The following SCFD2 variants were observed in gnomAD, a reference collection of about 807,000 sequenced individuals.
The protein encoded by SCFD2 is sec1 family domain-containing protein 2.
In SCFD2, 54 loss-of-function variants were observed where a neutral mutation model predicts 58.9. The ratio of observed to expected loss-of-function variants is 0.92; its 90% confidence interval spans 0.74 to 1.15. The LOEUF is 1.15. Ranked by LOEUF, SCFD2 falls within the 50% of genes most tolerant of loss-of-function variation. SCFD2 has a pLI of 0.00. For synonymous variants in SCFD2, 321 were observed against 335.9 expected, an observed-to-expected ratio of 0.96 and a Z score of 0.49; for missense variants, 805 against 836.6, an observed-to-expected ratio of 0.96 and a Z score of 0.47.
chr4:52,985,109 G>A (rs1294766758), intron 5 of SCFD2, among the ~76,000 whole-genome samples: 1 of 152,180 alleles, frequency 6.6e-6, no homozygotes. Context: ...GACAATTTAA[G>A]TTTTAAAATT....
At chr4:53,025,730 T>C (rs182155234) in intron 5 of SCFD2, among the ~76,000 whole-genome samples, 1 of 152,330 alleles carries the variant, frequency 6.6e-6, no homozygotes, top group Admixed American at 6.5e-5. Context: ...TGTGAGCTCC[T>C]GGAGGACGAG....
intron 5 of SCFD2, among the ~76,000 whole-genome samples, chr4:53,097,927 G>C (rs578114777): frequency 6.6e-6 from 1 of 152,120 alleles, no homozygotes; most frequent in Non-Finnish European, 1.5e-5. Context: ...TAGCATGAAG[G>C]GCTGTTGAAT....
intron 5 of SCFD2, among the ~76,000 whole-genome samples, chr4:53,096,386 C>T (rs1724635455): frequency 6.6e-6 from 1 of 152,146 alleles, no homozygotes. Context: ...CCTGTTGTTT[C>T]CTGACTTTTT....
At position 53,145,461 on chromosome 4, in the gene SCFD2, A is replaced by G. The variant is rs777884569; in HGVS notation, c.1433T>C (p.Ile478Thr). The G allele has an allele frequency of 6.2e-7, 1 of 1,614,128 alleles. No homozygotes were observed. Among genetic ancestry groups the G allele is most frequent in the Admixed American group, 1.7e-5 (1 of 60,008 alleles). The part of the protein sequence containing the change: ...PEELLILLIY[I>T]YSVTGELTVD... ...CGTGAGCTCTCCAGTGACAGAATAA[A>G]TATATATGAGAAGGATCAGCAGTTC... Residue 478 changes from isoleucine (I) to threonine (T), a missense_variant, in exon 5 of 9, where the codon ATT becomes ACT. This residue lies in a region of SCFD2 where 633 missense variants were observed against 646.8 expected (regional missense o/e 0.98). Transcript: ENST00000401642.
intron 5 of SCFD2, among the ~76,000 whole-genome samples, chr4:53,008,801 T>C (rs1176127388): frequency 6.6e-6 from 1 of 152,226 alleles, no homozygotes; most frequent in African/African-American, 2.4e-5. Context: ...TGAAACTTAA[T>C]AGAATGTGAC....
intron 3 of SCFD2, among the ~76,000 whole-genome samples, chr4:53,311,663 G>A (rs1560441740): frequency 1.3e-5 from 2 of 149,580 alleles, no homozygotes; most frequent in South Asian, 4.2e-4. Context: ...TTTAAACGGT[G>A]TCTCACTCTG....
chr4:53,121,464 C>T (rs1185269527), intron 5 of SCFD2, among the ~76,000 whole-genome samples: 1 of 152,156 alleles, frequency 6.6e-6, no homozygotes, highest in African/African-American at 2.4e-5. Flanking sequence ...ACTGAGTAGG[C>T]CAAACAAAAC....
chr4:53,198,899 G>T (rs573932556), intron 4 of SCFD2, among the ~76,000 whole-genome samples: 1 of 152,082 alleles, frequency 6.6e-6, no homozygotes, highest in South Asian at 2.1e-4. Flanking sequence ...TTGCCAAATG[G>T]GACATAATTC....
At chr4:53,267,565 C>T (rs1362964059) in intron 4 of SCFD2, among the ~76,000 whole-genome samples, 1 of 152,050 alleles carries the variant, frequency 6.6e-6, no homozygotes, top group African/African-American at 2.4e-5. Context: ...CTTCTTTTCC[C>T]CAATCTTATT....
intron 5 of SCFD2, among the ~76,000 whole-genome samples, chr4:52,936,811 G>A (rs934685739): frequency 4.6e-5 from 7 of 152,098 alleles, no homozygotes; most frequent in South Asian, 2.1e-4. Context: ...TATCACCTTC[G>A]CTTCTGCAAC....
At position 52,885,860 on chromosome 4, in the gene SCFD2, G is replaced by A. The variant is rs199859310; in HGVS notation, c.1849C>T (p.Arg617Trp). 8.1e-6 allele frequency: 13 copies of A among 1,614,000 alleles called. No individual in the cohort carries two copies. The highest frequency in any genetic ancestry group is 2.2e-5 in the East Asian group (1 of 44,882). ...TGFSMFMKVSRPHPSDYPLLI... is the reference protein window; with the variant it reads ...TGFSMFMKVSWPHPSDYPLLI... The stretch of plus-strand genomic sequence containing the variant: ...AGGGGGTAGTCACTAGGATGAGGCC[G>A]GCTCACCTGCAAAACAAAACACCAG... Residue 617 changes from arginine (R) to tryptophan (W), a missense_variant, in exon 8 of 9, where the codon CGG becomes TGG. Arg to Trp is a moderately radical substitution (Grantham distance 101, BLOSUM62 -3). This residue lies in a region of SCFD2 where 633 missense variants were observed against 646.8 expected (regional missense o/e 0.98). Transcript: ENST00000401642.
Position 52,889,959 on chromosome 4 carries a change from TG to T in SCFD2, c.1843-4094del, listed in dbSNP as rs540592544. ...CTGTTTGTGCTTAGTACTTAGCACC[TG>T]GTAAGCTTTCAGTAAATGTTGCATG... is the stretch of plus-strand genomic sequence containing the variant. On this transcript the variant is annotated intron_variant, in intron 7 of 8. Transcript: ENST00000401642. Among the ~76,000 whole-genome samples, 374 of 152,380 alleles carry T rather than the reference TG, an allele frequency of 2.5e-3. 1 individual carries two copies. Among genetic ancestry groups the T allele is most frequent in the African/African-American group, 8.4e-3 (350 of 41,588 alleles).
intron 2 of SCFD2, among the ~76,000 whole-genome samples, chr4:53,316,651 C>T: frequency 6.6e-6 from 1 of 152,096 alleles, no homozygotes; most frequent in East Asian, 1.9e-4. Flanking sequence ...ACTGAGTATG[C>T]TTATTCATAC....
intron 5 of SCFD2, among the ~76,000 whole-genome samples, chr4:52,935,460 T>G (rs954125636): frequency 6.6e-6 from 1 of 152,218 alleles, no homozygotes; most frequent in East Asian, 1.9e-4. Flanking sequence ...AGTTTATCGA[T>G]TGTTGCTTGT....
At chr4:52,940,663 C>A (rs1720269666) in intron 5 of SCFD2, among the ~76,000 whole-genome samples, 1 of 152,116 alleles carries the variant, frequency 6.6e-6, no homozygotes, top group Non-Finnish European at 1.5e-5. Context: ...AGAAGAGTAC[C>A]CCTGTGTCCC....
At chr4:52,980,984 C>G (rs1463060064) in intron 5 of SCFD2, among the ~76,000 whole-genome samples, 1 of 152,114 alleles carries the variant, frequency 6.6e-6, no homozygotes, top group Non-Finnish European at 1.5e-5. Flanking sequence ...GCAAAATGCA[C>G]AGAACTGGAT....
intron 5 of SCFD2, among the ~76,000 whole-genome samples, chr4:53,042,487 C>T (rs1463375323): frequency 2.0e-5 from 3 of 151,988 alleles, no homozygotes; most frequent in Non-Finnish European, 4.4e-5. Flanking sequence ...CTTTCTCAGT[C>T]CAGTAGAGAA....
intron 8 of SCFD2, among the ~76,000 whole-genome samples, chr4:52,880,899 T>A (rs376917676): frequency 6.6e-6 from 1 of 152,244 alleles, no homozygotes. Flanking sequence ...TGTCTGGCCA[T>A]GGAGTCCCAC....
chr4:53,051,218 C>A (rs1208886358), intron 5 of SCFD2, among the ~76,000 whole-genome samples: 3 of 152,158 alleles, frequency 2.0e-5, no homozygotes. Flanking sequence ...GGTTTGAGAA[C>A]ATCTTCTATC....
Sources: gnomAD v4.1 joint callset for allele counts (sites outside exome capture counted in the v4.1 genomes callset) on GRCh38, gnomAD v4.1.1 for gene constraint, gnomAD v4.1.1 regional missense constraint, MANE v1.5 for transcripts, NCBI Gene and HGNC (gene_info 2026-07-23, HGNC 2026-07-21) for gene names.